The following FRMD4B variants were observed in gnomAD, a reference collection of about 807,000 sequenced individuals.
The protein encoded by FRMD4B is FERM domain containing 4B, also known as FERM domain-containing protein 4B.
FRMD4B carries 74 observed loss-of-function variants against 141.5 expected under a neutral mutation model. The observed-to-expected ratio is 0.52, with a 90% CI of 0.43 to 0.63. The LOEUF (loss-of-function observed/expected upper bound fraction) is 0.63. Ranked by LOEUF, FRMD4B falls within the 30% of genes least tolerant of loss-of-function variation. FRMD4B has a pLI of 0.00. For missense variants in FRMD4B, 1,366 were observed against 1,253.4 expected (o/e 1.09, Z -1.36); for synonymous variants, 506 against 467.9 (o/e 1.08, Z -1.05).
At chr3:69,534,547 A>G (rs973307447) in intron 1 of FRMD4B, among the ~76,000 whole-genome samples, 11 of 152,158 alleles carry the variant, frequency 7.2e-5, no homozygotes, top group African/African-American at 2.4e-4. Flanking sequence ...TGGTTACCCT[A>G]TGGGGTGAAT....
chr3:69,458,849 T>A (rs1405699475), intron 1 of FRMD4B, among the ~76,000 whole-genome samples: 4 of 82,176 alleles, frequency 4.9e-5, no homozygotes, highest in African/African-American at 9.8e-5. Flanking sequence ...ATGGGCTGCT[T>A]AAAAAAAAAA....
intron 9 of FRMD4B, among the ~76,000 whole-genome samples, chr3:69,220,958 T>C (rs545566870): frequency 6.6e-6 from 1 of 150,556 alleles, no homozygotes; most frequent in South Asian, 2.1e-4. Flanking sequence ...AAAAGTTTAG[T>C]GTAGCAACTT....
chr3:69,345,998 T>C (rs890781315), intron 1 of FRMD4B, among the ~76,000 whole-genome samples: 4 of 151,892 alleles, frequency 2.6e-5, no homozygotes, highest in South Asian at 2.1e-4. Flanking sequence ...CTTTGATGAG[T>C]TGAGAGAAGA....
chr3:69,539,292 G>A (rs1007880972), intron 1 of FRMD4B, among the ~76,000 whole-genome samples: 3 of 152,130 alleles, frequency 2.0e-5, no homozygotes, highest in Admixed American at 2.0e-4. Context: ...TAAATCTGTG[G>A]AATCAAACGG....
intron 16 of FRMD4B, 104 bp downstream of exon 16, chr3:69,194,918 A>G: frequency 9.8e-7 from 1 of 1,019,342 alleles, no homozygotes; most frequent in East Asian, 2.6e-5. Flanking sequence ...TACTGGTGAG[A>G]TAACATACAG....
intron 12 of FRMD4B, 22 bp from the exon 13 acceptor site, chr3:69,197,060 T>G: frequency 2.5e-6 from 4 of 1,603,042 alleles, no homozygotes; most frequent in Non-Finnish European, 3.4e-6. Flanking sequence ...AAGAAAGCAC[T>G]CAAATAATTC....
At chr3:69,351,790 C>A (rs1703159201) in intron 1 of FRMD4B, among the ~76,000 whole-genome samples, 1 of 152,202 alleles carries the variant, frequency 6.6e-6, no homozygotes, top group African/African-American at 2.4e-5. Context: ...AAAATTCCTC[C>A]TCTTCTCTGG....
At chr3:69,389,781 C>T (rs1156937128), upstream of FRMD4B, among the ~76,000 whole-genome samples, 1 of 152,208 alleles carries the variant, frequency 6.6e-6, no homozygotes, top group East Asian at 1.9e-4. Flanking sequence ...TGGCATCATC[C>T]TTAAAATGGA....
intron 4 of FRMD4B, among the ~76,000 whole-genome samples, chr3:69,300,282 A>T (rs1701173091): frequency 6.6e-6 from 1 of 152,252 alleles, no homozygotes; most frequent in South Asian, 2.1e-4. Flanking sequence ...AATAACAAAG[A>T]CTATTATGAT....
chr3:69,401,862 A>T (rs1023260745), intron 2 of FRMD4B, among the ~76,000 whole-genome samples: 1 of 152,180 alleles, frequency 6.6e-6, no homozygotes, highest in Non-Finnish European at 1.5e-5. Context: ...GAGCACAAAC[A>T]TCTCAGTGTA....
At chr3:69,487,487 C>T (rs1312124749) in intron 1 of FRMD4B, among the ~76,000 whole-genome samples, 2 of 152,150 alleles carry the variant, frequency 1.3e-5, no homozygotes, top group Non-Finnish European at 2.9e-5. Flanking sequence ...AAAGAGACTA[C>T]AGGAGAAGAG....
intron 5 of FRMD4B, among the ~76,000 whole-genome samples, chr3:69,259,076 C>T (rs948042269): frequency 2.2e-4 from 34 of 152,108 alleles, no homozygotes; most frequent in African/African-American, 6.8e-4. Context: ...ATACAATTCA[C>T]CATAATGTAG....
At chr3:69,485,090 C>A (rs1320490077) in intron 1 of FRMD4B, among the ~76,000 whole-genome samples, 1 of 152,182 alleles carries the variant, frequency 6.6e-6, no homozygotes, top group Non-Finnish European at 1.5e-5. Context: ...TGTCCTCAAC[C>A]CCCCTCAACT....
chr3:69,320,273 C>A (rs1354080174), intron 1 of FRMD4B, among the ~76,000 whole-genome samples: 2 of 152,064 alleles, frequency 1.3e-5, no homozygotes, highest in Admixed American at 6.6e-5. Context: ...AATAAAACCC[C>A]AACTGGGAAT....
chr3:69,251,894 C>T (rs1182955338), intron 5 of FRMD4B, among the ~76,000 whole-genome samples: 1 of 152,174 alleles, frequency 6.6e-6, no homozygotes, highest in African/African-American at 2.4e-5. Flanking sequence ...GAAAAAGAAA[C>T]TCACGGCAAG....
intron 1 of FRMD4B, among the ~76,000 whole-genome samples, chr3:69,338,863 A>G (rs1702642415): frequency 6.6e-6 from 1 of 152,148 alleles, no homozygotes; most frequent in African/African-American, 2.4e-5. Flanking sequence ...AAACAAAAAA[A>G]CCCCAATAAA....
chr3:69,375,528 G>T (rs1016368315), intron 1 of FRMD4B, among the ~76,000 whole-genome samples: 1 of 152,142 alleles, frequency 6.6e-6, no homozygotes, highest in Non-Finnish European at 1.5e-5. Flanking sequence ...AGTAAAAGGT[G>T]AGTTACGATT....
intron 10 of FRMD4B, among the ~76,000 whole-genome samples, chr3:69,217,139 A>T (rs760954236): frequency 6.0e-4 from 91 of 152,346 alleles, no homozygotes; most frequent in Admixed American, 8.5e-4. Context: ...ACCCTTTTGG[A>T]GAACTGTACA....
At chr3:69,183,191 G>A (rs142051078) in intron 19 of FRMD4B, among the ~76,000 whole-genome samples, 28 of 152,342 alleles carry the variant, frequency 1.8e-4, no homozygotes, top group African/African-American at 6.7e-4. Flanking sequence ...AGCAGCCATG[G>A]ATAATATGTA....
Sources: gnomAD v4.1 joint callset for allele counts (sites outside exome capture counted in the v4.1 genomes callset) on GRCh38, gnomAD v4.1.1 for gene constraint, MANE v1.5 for transcripts, NCBI Gene and HGNC (gene_info 2026-07-23, HGNC 2026-07-21) for gene names.